The following PARG variants were observed in gnomAD, a reference collection of about 807,000 sequenced individuals.
PARG encodes the protein mitochondrial poly(ADP-ribose) glycohydrolase.
Under a neutral mutation model 113.0 loss-of-function variants are expected in PARG, and 35 were observed. The ratio of observed to expected loss-of-function variants is 0.31; its 90% CI spans 0.24 to 0.41. PARG has a LOEUF of 0.41. PARG is among the 10% of genes least tolerant of loss of function. PARG has a pLI of 1.00. For missense variants in PARG, 797 were observed against 1,169.4 expected, an observed-to-expected ratio of 0.68 and a Z score of 4.64; for synonymous variants, 330 against 409.9, an observed-to-expected ratio of 0.81 and a Z score of 2.36.
At chr10:49,920,574 GTATA>G (rs532293002) in intron 6 of PARG, among the ~76,000 whole-genome samples, 1 of 130,378 alleles carries the variant, frequency 7.7e-6, no homozygotes, top group Non-Finnish European at 1.6e-5. Flanking sequence ...ATATATACGT[GTATA>G]TATATACACA....
rs1838515239 is a variant in PARG, at chr10:49,932,108, T to C, written c.1447A>G (p.Thr483Ala). 5.7e-6 allele frequency: 9 copies of C among 1,585,212 alleles called. No homozygotes were observed. Among genetic ancestry groups the C allele is most frequent in the Admixed American group, 1.7e-5 (1 of 59,918 alleles). The change falls in exon 4 of 18, where the codon ACT (threonine) becomes GCT (alanine). Residue 483 changes from threonine (T) to alanine (A), a missense_variant. Around this residue, in one of 5 missense-constraint regions of PARG, gnomAD observed 252 missense variants for 437.4 expected, o/e 0.58. Transcript: ENST00000616448. Reference sequence around the variant, plus strand: ...TAAGAGGTGCTACCTACCCGAATAGTTACTGTGTGATTGGCAGATGGTCTC... The same window carrying C: ...TAAGAGGTGCTACCTACCCGAATAGCTACTGTGTGATTGGCAGATGGTCTC... ...LLRPSANHTV[T>A]IRVDLLRAGE...
At chr10:49,925,798 C>T (rs1838125515) in intron 4 of PARG, among the ~76,000 whole-genome samples, 1 of 152,250 alleles carries the variant, frequency 6.6e-6, no homozygotes, top group Admixed American at 6.5e-5. Flanking sequence ...TCTCGAATCC[C>T]TTTGTTAGGA....
intron 13 of PARG, among the ~76,000 whole-genome samples, chr10:49,852,574 C>CT (rs1201876426): frequency 2.1e-5 from 3 of 139,746 alleles, no homozygotes; most frequent in Non-Finnish European, 4.8e-5. Flanking sequence ...TTCTTTTTTT[C>CT]TTTTTTTTGA....
chr10:49,905,976 C>T (rs1388963984), intron 7 of PARG, among the ~76,000 whole-genome samples: 7 of 149,378 alleles, frequency 4.7e-5, no homozygotes, highest in African/African-American at 7.4e-5. Flanking sequence ...TCAACTGAAC[C>T]GAAGTTGCCC....
At chr10:49,855,012 G>T (rs1310154608) in intron 13 of PARG, among the ~76,000 whole-genome samples, 1 of 150,866 alleles carries the variant, frequency 6.6e-6, no homozygotes, top group East Asian at 1.9e-4. Context: ...AGTAGTAACT[G>T]CCCCTGAGGA....
intron 15 of PARG, among the ~76,000 whole-genome samples, chr10:49,839,679 C>T (rs1220555224): frequency 1.3e-5 from 2 of 152,198 alleles, no homozygotes; most frequent in Admixed American, 1.3e-4. Flanking sequence ...TTAAAAAAGA[C>T]TTATGCCCAA....
intron 8 of PARG, among the ~76,000 whole-genome samples, chr10:49,883,840 C>T (rs1273930220): frequency 7.0e-6 from 1 of 143,590 alleles, no homozygotes; most frequent in Non-Finnish European, 1.5e-5. Context: ...GGTCTAATAC[C>T]CCTCCCCCTG....
intron 15 of PARG, among the ~76,000 whole-genome samples, chr10:49,840,096 G>C (rs201972221): frequency 6.6e-6 from 1 of 152,156 alleles, no homozygotes; most frequent in East Asian, 1.9e-4. Flanking sequence ...ACTAGTAAAA[G>C]ATACTTTTCA....
intron 7 of PARG, among the ~76,000 whole-genome samples, chr10:49,890,245 T>C (rs1209117679): frequency 1.3e-5 from 2 of 152,254 alleles, no homozygotes; most frequent in South Asian, 4.2e-4. Context: ...ACACAGCAAG[T>C]GTTTTGATCT....
intron 7 of PARG, among the ~76,000 whole-genome samples, chr10:49,899,458 A>C (rs1159348025): frequency 6.6e-6 from 1 of 152,202 alleles, no homozygotes; most frequent in Non-Finnish European, 1.5e-5. Flanking sequence ...AGGCTCATGA[A>C]AGTCTGACAG....
intron 4 of PARG, among the ~76,000 whole-genome samples, chr10:49,927,966 TAAA>T (rs76592852): frequency 2.3e-5 from 3 of 128,946 alleles, no homozygotes; most frequent in Non-Finnish European, 5.0e-5. Flanking sequence ...CCTGTCTCTT[TAAA>T]AAAAAAAAAA....
At position 49,914,798 on chromosome 10, in the gene PARG, C is replaced by A. The variant is rs373361490; in HGVS notation, c.1737+1119G>T. On this transcript the variant is annotated intron_variant, in intron 7 of 17. Transcript: ENST00000616448. The stretch of plus-strand genomic sequence containing the variant: ...AGGCCAGAAACAATCCTTACGTCAA[C>A]TGGTTTTGAAAAGGTGCCAAGACAA... Among the ~76,000 whole-genome samples, 11 of 152,290 alleles carry A rather than the reference C, an allele frequency of 7.2e-5. No homozygotes were observed. The South Asian group carries it at 1.7e-3, about 23-fold the overall frequency.
In PARG at chr10:49,824,501, C is replaced by A. The variant is rs574864751; in HGVS notation, c.2648-4208G>T. Among the ~76,000 whole-genome samples the A allele has an allele frequency of 3.2e-4, 48 of 152,238 alleles. 1 individual carries two copies. Among genetic ancestry groups the A allele is most frequent in the African/African-American group, 1.1e-3 (46 of 41,566 alleles). On this transcript the variant is annotated intron_variant, in intron 16 of 17. Coordinates refer to ENST00000616448, the MANE Select transcript of PARG (RefSeq NM_003631.5). ...CTGCAGGGAGCTTGGTTTTAATTTT[C>A]TTTTTGGCATCAATGTTAAGCTATG... is the stretch of plus-strand genomic sequence containing the variant.
chr10:49,850,995 A>G (rs1845735464), intron 13 of PARG, among the ~76,000 whole-genome samples: 1 of 152,160 alleles, frequency 6.6e-6, no homozygotes, highest in Non-Finnish European at 1.5e-5. Flanking sequence ...AGCTACTGAG[A>G]CAGAAGACTG....
At chr10:49,924,913 T>A (rs1189224798) in intron 4 of PARG, among the ~76,000 whole-genome samples, 1 of 152,060 alleles carries the variant, frequency 6.6e-6, no homozygotes, top group African/African-American at 2.4e-5. Context: ...AGGCATGGAC[T>A]AGGGGTCTAT....
chr10:49,937,598 T>C (rs1357233506), intron 1 of PARG, among the ~76,000 whole-genome samples: 2 of 152,162 alleles, frequency 1.3e-5, no homozygotes, highest in African/African-American at 2.4e-5. Context: ...TAAGATGCAA[T>C]GACTAGGTTC....
At chr10:49,836,156 C>G (rs1309513221) in intron 15 of PARG, among the ~76,000 whole-genome samples, 1 of 152,176 alleles carries the variant, frequency 6.6e-6, no homozygotes, top group East Asian at 1.9e-4. Context: ...CATGTAAATA[C>G]ATTATTCTAT....
At chr10:49,836,306 A>ATTTTTTTTTT (rs1844922089) in intron 15 of PARG, among the ~76,000 whole-genome samples, 1 of 26,282 alleles carries the variant, frequency 3.8e-5, no homozygotes, top group Non-Finnish European at 1.3e-4. Flanking sequence ...ATTTCTTACG[A>ATTTTTTTTTT]CTTTTTTTTT....
intron 15 of PARG, among the ~76,000 whole-genome samples, chr10:49,837,414 AC>A (rs1844998726): frequency 6.6e-6 from 1 of 151,408 alleles, no homozygotes; most frequent in Non-Finnish European, 1.5e-5. Context: ...ACACACACAC[AC>A]ACAAGCAGAA....
Sources: gnomAD v4.1 joint callset for allele counts (sites outside exome capture counted in the v4.1 genomes callset) on GRCh38, gnomAD v4.1.1 for gene constraint, gnomAD v4.1.1 regional missense constraint, MANE v1.5 for transcripts, NCBI Gene and HGNC (gene_info 2026-07-23, HGNC 2026-07-21) for gene names.